Variants in WNT3 observed in about 807,000 individuals in gnomAD.
WNT3 encodes the protein Wnt family member 3.
A neutral mutation model predicts 34.2 loss-of-function variants in WNT3; 7 were observed. The ratio of observed to expected loss-of-function variants is 0.20; its 90% CI spans 0.12 to 0.38. The LOEUF is 0.38. WNT3 is among the 10% of genes least tolerant of loss of function. The pLI is 1.00. For synonymous variants in WNT3, 212 were observed against 211.5 expected, an observed-to-expected ratio of 1.00 and a Z score of -0.02; for missense variants, 267 against 499.8, an observed-to-expected ratio of 0.53 and a Z score of 4.44.
intron 1 of WNT3, among the ~76,000 whole-genome samples, chr17:46,811,405 G>T (rs971560532): frequency 2.6e-5 from 4 of 152,198 alleles, no homozygotes; most frequent in Non-Finnish European, 5.9e-5. Context: ...TGAGATATTA[G>T]TTTGACATGA....
chr17:46,785,946 G>A (rs1334388344), intron 1 of WNT3, among the ~76,000 whole-genome samples: 2 of 152,230 alleles, frequency 1.3e-5, no homozygotes, highest in Non-Finnish European at 2.9e-5. Context: ...TGCGGCTCTG[G>A]CTGATCTGAT....
chr17:46,794,564 A>G (rs2084028185), intron 1 of WNT3, among the ~76,000 whole-genome samples: 1 of 152,098 alleles, frequency 6.6e-6, no homozygotes, highest in Non-Finnish European at 1.5e-5. Context: ...TGCAGAACAC[A>G]CTGTACCACC....
intron 1 of WNT3, among the ~76,000 whole-genome samples, chr17:46,784,937 G>A (rs988527322): frequency 1.8e-4 from 28 of 152,094 alleles, no homozygotes; most frequent in Admixed American, 1.5e-3. Context: ...CACCATGCCC[G>A]GCTAATTTTT....
At chr17:46,784,631 C>T (rs572393415) in intron 1 of WNT3, among the ~76,000 whole-genome samples, 1 of 152,284 alleles carries the variant, frequency 6.6e-6, no homozygotes, top group Admixed American at 6.5e-5. Context: ...CAGCCCCTGC[C>T]CAGCCAACAC....
chr17:46,792,103 C>G (rs1010821502), intron 1 of WNT3, among the ~76,000 whole-genome samples: 3 of 152,162 alleles, frequency 2.0e-5, no homozygotes, highest in Admixed American at 6.5e-5. Flanking sequence ...CATTTAAAGT[C>G]AAAAAATTCT....
intron 1 of WNT3, among the ~76,000 whole-genome samples, chr17:46,808,125 G>A (rs531961548): frequency 6.6e-6 from 1 of 152,300 alleles, no homozygotes; most frequent in East Asian, 1.9e-4. Context: ...GGTCATTTAC[G>A]CTACCCTTTC....
At chr17:46,789,212 T>C (rs1468469467) in intron 1 of WNT3, among the ~76,000 whole-genome samples, 1 of 152,152 alleles carries the variant, frequency 6.6e-6, no homozygotes, top group Admixed American at 6.5e-5. Context: ...GAGGCCACCC[T>C]CCCTGCCTCA....
intron 4 of WNT3, among the ~76,000 whole-genome samples, chr17:46,767,691 C>T (rs2059325839): frequency 6.6e-6 from 1 of 152,186 alleles, no homozygotes; most frequent in Non-Finnish European, 1.5e-5. Flanking sequence ...AGCAGCTATG[C>T]AAAAATTTGA....
chr17:46,769,732 G>A, intron 3 of WNT3, 51 bp downstream of exon 3: 1 of 1,599,548 alleles, frequency 6.3e-7, no homozygotes, highest in Non-Finnish European at 8.5e-7. Flanking sequence ...GCTCCGGAGG[G>A]GAAGCGGGGG....
At chr17:46,817,635 C>A (rs151256669) in intron 1 of WNT3, among the ~76,000 whole-genome samples, 7 of 142,872 alleles carry the variant, frequency 4.9e-5, no homozygotes, top group African/African-American at 1.3e-4. Flanking sequence ...CACGCACAGC[C>A]CCCCCCAAGC....
intron 1 of WNT3, among the ~76,000 whole-genome samples, 194 bp downstream of exon 1, chr17:46,818,324 T>C (rs962855585): frequency 1.8e-4 from 26 of 141,290 alleles, no homozygotes; most frequent in African/African-American, 6.9e-4. Flanking sequence ...AAATGGTGAT[T>C]ATCAGAGGAG....
chr17:46,818,469 G>A (rs2084382465), intron 1 of WNT3, 49 bp downstream of exon 1: 1 of 1,561,626 alleles, frequency 6.4e-7, no homozygotes, highest in Non-Finnish European at 8.7e-7. Flanking sequence ...CACCTTCCCC[G>A]GACGCGGCGG....
intron 1 of WNT3, among the ~76,000 whole-genome samples, chr17:46,789,179 A>C (rs923097280): frequency 2.6e-5 from 4 of 152,018 alleles, no homozygotes; most frequent in African/African-American, 9.7e-5. Flanking sequence ...GAGGAAGCCC[A>C]TTCTCCTCTT....
chr17:46,789,595 C>A (rs867007411), intron 1 of WNT3, among the ~76,000 whole-genome samples: 1 of 151,346 alleles, frequency 6.6e-6, no homozygotes, highest in Non-Finnish European at 1.5e-5. Context: ...GAGGTAACCT[C>A]TCAGGGAACA....
chr17:46,808,348 A>G (rs181830557), intron 1 of WNT3, among the ~76,000 whole-genome samples: 1 of 152,382 alleles, frequency 6.6e-6, no homozygotes, highest in East Asian at 1.9e-4. Flanking sequence ...CACAAATAGT[A>G]TCTATAAGCC....
In WNT3 at chr17:46,818,641, G is replaced by A. The variant is rs1203072545; in HGVS notation, c.-44C>T. 2 of 1,535,732 alleles carry A rather than the reference G, an allele frequency of 1.3e-6. No homozygotes were observed. The highest frequency in any genetic ancestry group is 3.8e-5 in the Admixed American group (2 of 52,418). Reference sequence around the variant, plus strand: ...GGAAGTTTGCCCGCGACCATGAAGAGGGGGAGCGACGCCCCCAATAGTTGG... The same window carrying A: ...GGAAGTTTGCCCGCGACCATGAAGAAGGGGAGCGACGCCCCCAATAGTTGG... On this transcript the variant is annotated 5_prime_UTR_variant, in exon 1 of 5. Transcript: ENST00000225512.
In WNT3 at chr17:46,779,092, CA is replaced by C. The variant is rs2059436799; in HGVS notation, c.81-5184del. 3.4e-5 allele frequency among the ~76,000 whole-genome samples: 5 copies of C among 148,506 alleles called. No homozygotes were observed. The East Asian group carries it at 1.0e-3, about 31-fold the overall frequency. On this transcript the variant is annotated intron_variant, in intron 1 of 4. Transcript: ENST00000225512. ...ACACACACACACACACACACACACA[CA>C]CACACACACACCCCAGCCCACTCGG... is the stretch of plus-strand genomic sequence containing the variant.
chr17:46,781,886 G>A (rs766238365), intron 1 of WNT3, among the ~76,000 whole-genome samples: 3 of 152,100 alleles, frequency 2.0e-5, no homozygotes, highest in African/African-American at 4.8e-5. Flanking sequence ...GTCATTTTCC[G>A]GGGTCACACA....
chr17:46,771,040 AAG>A (rs2059362418), intron 2 of WNT3, among the ~76,000 whole-genome samples: 1 of 152,150 alleles, frequency 6.6e-6, no homozygotes, highest in Admixed American at 6.5e-5. Flanking sequence ...ATTTATTTAG[AAG>A]CCAGGCGCCC....
Sources: gnomAD v4.1 joint callset for allele counts (sites outside exome capture counted in the v4.1 genomes callset) on GRCh38, gnomAD v4.1.1 for gene constraint, MANE v1.5 for transcripts, NCBI Gene and HGNC (gene_info 2026-07-23, HGNC 2026-07-21) for gene names.